Variants in EIF2AK4 observed in about 807,000 individuals in gnomAD.
EIF2AK4 encodes eukaryotic translation initiation factor 2 alpha kinase 4.
In EIF2AK4, 139 loss-of-function variants were observed where a neutral mutation model predicts 211.1. The ratio of observed to expected loss-of-function variants is 0.66; its 90% CI spans 0.57 to 0.76. The LOEUF is 0.76. EIF2AK4 is among the 30% of genes least tolerant of loss of function. The pLI is 0.00. For missense variants in EIF2AK4, 1,664 were observed against 2,043.8 expected, an observed-to-expected ratio of 0.81 and a Z score of 3.58; for synonymous variants, 710 against 751.3, an observed-to-expected ratio of 0.94 and a Z score of 0.90.
At chr15:39,962,704 C>G (rs887346665) in intron 7 of EIF2AK4, among the ~76,000 whole-genome samples, 6 of 152,160 alleles carry the variant, frequency 3.9e-5, no homozygotes, top group African/African-American at 1.4e-4. Context: ...AAGAAGACCA[C>G]CTTATTTTCT....
At chr15:39,958,933 T>C (rs28537401) in intron 6 of EIF2AK4, among the ~76,000 whole-genome samples, 2 of 152,218 alleles carry the variant, frequency 1.3e-5, no homozygotes, top group African/African-American at 4.8e-5. Context: ...TCCTTTTTTC[T>C]TTTTTCAGGT....
intron 7 of EIF2AK4, among the ~76,000 whole-genome samples, chr15:39,964,682 A>G (rs534105490): frequency 5.3e-5 from 8 of 152,308 alleles, no homozygotes; most frequent in Non-Finnish European, 1.2e-4. Context: ...TCCTTTTCCA[A>G]TTTTTTAGAA....
chr15:39,934,479 C>T, intron 1 of EIF2AK4, 140 bp downstream of exon 1: 1 of 1,207,504 alleles, frequency 8.3e-7, no homozygotes, highest in South Asian at 1.6e-5. Flanking sequence ...CCCATGCTCA[C>T]TTTAGTCCTT....
chr15:39,985,431 T>C (rs929019030), intron 13 of EIF2AK4, among the ~76,000 whole-genome samples: 6 of 152,108 alleles, frequency 3.9e-5, no homozygotes, highest in Admixed American at 6.6e-5. Context: ...GGTACCAGCT[T>C]TTCTAACTAC....
At chr15:40,022,490 A>G in intron 31 of EIF2AK4, 29 bp from the exon 32 acceptor site, 2 of 1,592,546 alleles carry the variant, frequency 1.3e-6, no homozygotes, top group Non-Finnish European at 1.7e-6. Context: ...CTCTGTGTTT[A>G]TTTTCTTTAC....
At chr15:39,941,857 C>G (rs2034149529) in intron 2 of EIF2AK4, among the ~76,000 whole-genome samples, 1 of 152,090 alleles carries the variant, frequency 6.6e-6, no homozygotes, top group African/African-American at 2.4e-5. Flanking sequence ...CAAAATCACC[C>G]CTGGTTAAGA....
intron 27 of EIF2AK4, among the ~76,000 whole-genome samples, chr15:40,014,660 T>C (rs1407613507): frequency 6.6e-6 from 1 of 152,238 alleles, no homozygotes; most frequent in African/African-American, 2.4e-5. Flanking sequence ...TGAAGACCTC[T>C]GACATGCCCT....
chr15:39,967,847 C>G lies in EIF2AK4; in HGVS notation c.1521C>G (p.Asp507Glu). 6.2e-7 allele frequency: 1 copy of G among 1,614,012 alleles called. No homozygotes were observed. Among genetic ancestry groups the G allele is most frequent in the South Asian group, 1.1e-5 (1 of 91,086 alleles). Residue 507 changes from aspartate to glutamate, a missense_variant, in exon 9 of 39, where the codon GAC becomes GAG. By Grantham distance (45) the Asp-to-Glu change is conservative. Around this residue, in one of 7 missense-constraint regions of EIF2AK4, gnomAD observed 641 missense variants for 729.6 expected, o/e 0.88. Transcript: ENST00000263791. ...CGEYPVTIPS[D>E]LPADFQDFLK... ...AGTACCCTGTGACCATCCCTAGTGACTTACCAGCTGACTTTCAAGATTTTC... is the reference window on the plus strand; with the variant it reads ...AGTACCCTGTGACCATCCCTAGTGAGTTACCAGCTGACTTTCAAGATTTTC...
At position 39,939,541 on chromosome 15, in the gene EIF2AK4, C is replaced by T; in HGVS notation, c.181C>T (p.Pro61Ser). Reference sequence around the variant, plus strand: ...CCCTGAAATCAATTTAGTTTTGTACCCTCAAGGCCTAACTGGTGAAGAAGT... The same window carrying T: ...CCCTGAAATCAATTTAGTTTTGTACTCTCAAGGCCTAACTGGTGAAGAAGT... Reference protein sequence around the residue: ...EPPEINLVLYPQGLTGEEVYV... With the variant: ...EPPEINLVLYSQGLTGEEVYV... The change falls in exon 2 of 39, where the codon CCT becomes TCT. Residue 61 changes from proline (P) to serine (S), a missense_variant. Coordinates refer to ENST00000263791, the MANE Select transcript of EIF2AK4 (RefSeq NM_001013703.4). 6.2e-7 allele frequency: 1 copy of T among 1,610,310 alleles called. No homozygotes were observed. Among genetic ancestry groups the T allele is most frequent in the Non-Finnish European group, 8.5e-7 (1 of 1,177,876 alleles).
intron 37 of EIF2AK4, 59 bp downstream of exon 37, chr15:40,032,860 G>A: frequency 6.7e-7 from 1 of 1,492,910 alleles, no homozygotes. Context: ...TTTGCTATTA[G>A]TTTGCCAAAA....
At position 40,009,698 on chromosome 15, in the gene EIF2AK4, A is replaced by G. The variant is rs768517248; in HGVS notation, c.3661A>G (p.Ser1221Gly). Residue 1221 changes from serine to glycine, a missense_variant, in exon 26 of 39, where the codon AGT becomes GGT. Transcript: ENST00000263791. Reference sequence around the variant, plus strand: ...CTGTGGGATCCCAGAAGATAAACTCAGTCAAGTCTACATTATTCTGTATGA... The same window carrying G: ...CTGTGGGATCCCAGAAGATAAACTCGGTCAAGTCTACATTATTCTGTATGA... ...LHCGIPEDKLSQVYIILYDAV... is the reference protein window; with the variant it reads ...LHCGIPEDKLGQVYIILYDAV... 7 of 1,608,042 alleles carry G rather than the reference A, an allele frequency of 4.4e-6. No individual in the cohort carries two copies. The highest frequency in any genetic ancestry group is 6.0e-6 in the Non-Finnish European group (7 of 1,176,162).
At chr15:39,996,779 T>C (rs2035023776) in intron 18 of EIF2AK4, among the ~76,000 whole-genome samples, 185 bp from the exon 19 acceptor site, 1 of 152,214 alleles carries the variant, frequency 6.6e-6, no homozygotes, top group South Asian at 2.1e-4. Flanking sequence ...ATCATCTGAA[T>C]ACAAAATATA....
intron 16 of EIF2AK4, 47 bp from the exon 17 acceptor site, chr15:39,992,123 CATGGA>C: frequency 4.0e-6 from 6 of 1,495,548 alleles, no homozygotes; most frequent in Non-Finnish European, 5.5e-6. Context: ...AAGCCATTCT[CATGGA>C]ATAATATCAT....
rs572648420 is a variant in EIF2AK4 at position 39,958,906 on chromosome 15, TA to T, written c.744-2867del. ...TCTCTCTTCTTGCCACTTGGCTTTT[TA>T]AAAAAAAAAAGATTATCCTTTTTTC... On this transcript the variant is annotated intron_variant, in intron 6 of 38. Transcript: ENST00000263791. Among the ~76,000 whole-genome samples the T allele has an allele frequency of 2.8e-3, 418 of 148,220 alleles. 4 individuals carry two copies. The highest frequency in any genetic ancestry group is 0.018 in the East Asian group (91 of 5,138).
chr15:40,032,292 A>G, intron 36 of EIF2AK4, 55 bp downstream of exon 36: 1 of 1,528,438 alleles, frequency 6.5e-7, no homozygotes, highest in Non-Finnish European at 9.1e-7. Flanking sequence ...CTGTCAAAGT[A>G]GTTGCCTCAG....
intron 1 of EIF2AK4, among the ~76,000 whole-genome samples, chr15:39,934,870 T>C (rs2034040836): frequency 6.6e-6 from 1 of 152,196 alleles, no homozygotes; most frequent in African/African-American, 2.4e-5. Flanking sequence ...GGAGGAACTT[T>C]CCATACCTCT....
intron 27 of EIF2AK4, among the ~76,000 whole-genome samples, chr15:40,013,237 A>G (rs992000222): frequency 2.6e-5 from 4 of 152,200 alleles, no homozygotes; most frequent in Non-Finnish European, 5.9e-5. Flanking sequence ...TGGCACAATC[A>G]TAGTTCACTG....
At chr15:40,018,964 C>T (rs1595432831) in intron 29 of EIF2AK4, 129 bp from the exon 30 acceptor site, 1 of 693,342 alleles carries the variant, frequency 1.4e-6, no homozygotes, top group Non-Finnish European at 2.5e-6. Context: ...ACTACACACA[C>T]ACATTTCTTT....
At chr15:39,956,666 T>C (rs887200905) in intron 6 of EIF2AK4, among the ~76,000 whole-genome samples, 1 of 152,238 alleles carries the variant, frequency 6.6e-6, no homozygotes, top group Non-Finnish European at 1.5e-5. Context: ...CTATTTGCTG[T>C]GGCCCCCTGT....
Sources: allele counts gnomAD v4.1 joint callset (sites outside exome capture counted in the v4.1 genomes callset), GRCh38; gene constraint gnomAD v4.1.1; regional missense constraint gnomAD v4.1.1; transcripts MANE v1.5; gene names NCBI Gene and HGNC (gene_info 2026-07-23, HGNC 2026-07-21).